Variants in PTPRK observed in about 807,000 individuals in gnomAD.
PTPRK encodes receptor-type tyrosine-protein phosphatase kappa.
PTPRK carries 75 observed loss-of-function variants against 178.0 expected under a neutral mutation model. The observed-to-expected ratio is 0.42, with a 90% CI of 0.35 to 0.51. The LOEUF (loss-of-function observed/expected upper bound fraction) is 0.51. PTPRK is among the 20% of genes least tolerant of loss of function. The pLI is 0.02. For missense variants in PTPRK, 1,441 were observed against 1,797.8 expected, an observed-to-expected ratio of 0.80 and a Z score of 3.59; for synonymous variants, 637 against 620.6, an observed-to-expected ratio of 1.03 and a Z score of -0.39.
intron 3 of PTPRK, among the ~76,000 whole-genome samples, chr6:128,259,916 T>C (rs1330397305): frequency 6.6e-6 from 1 of 152,176 alleles, no homozygotes; most frequent in African/African-American, 2.4e-5. Flanking sequence ...GTCCATAACA[T>C]ATGTAAAGCA....
intron 15 of PTPRK, among the ~76,000 whole-genome samples, 185 bp from the exon 16 acceptor site, chr6:127,999,089 G>T (rs112623342): frequency 6.6e-6 from 1 of 152,052 alleles, no homozygotes; most frequent in African/African-American, 2.4e-5. Context: ...AAGGTTTCAG[G>T]TGAGAGTATA....
Position 128,351,897 on chromosome 6 carries a change from GCT to G in PTPRK, c.224-29589_224-29588del, listed in dbSNP as rs1322924260. On this transcript the variant is annotated intron_variant, in intron 2 of 29. Coordinates refer to ENST00000368226, the MANE Select transcript of PTPRK (RefSeq NM_002844.4). ...ATCCATCTCAATTTTCTTCAATGTAGCTCAACTTCAGTCAGTTTTACATTTTT... is the reference window on the plus strand; with the variant it reads ...ATCCATCTCAATTTTCTTCAATGTAGCAACTTCAGTCAGTTTTACATTTTT... Among the ~76,000 whole-genome samples the G allele has an allele frequency of 2.6e-5, 4 of 152,020 alleles. No individual in the cohort carries two copies. In the East Asian group the frequency reaches 7.7e-4, roughly 29 times the overall value.
intron 15 of PTPRK, chr6:128,000,193 C>A: frequency 2.0e-6 from 2 of 1,018,146 alleles, no homozygotes; most frequent in South Asian, 2.8e-5. Context: ...AATGATAATG[C>A]ATACTGTAGA....
chr6:128,483,688 A>G (rs112256139), intron 1 of PTPRK, among the ~76,000 whole-genome samples: 59 of 152,212 alleles, frequency 3.9e-4, no homozygotes, highest in African/African-American at 1.3e-3. Context: ...GCACCCAATC[A>G]CAGCTATCCC....
At chr6:128,137,797 T>C (rs559773309) in intron 7 of PTPRK, among the ~76,000 whole-genome samples, 4 of 152,164 alleles carry the variant, frequency 2.6e-5, no homozygotes, top group African/African-American at 7.2e-5. Flanking sequence ...AATAATACAG[T>C]AATGCAAAAT....
rs779511665 is a variant in PTPRK at position 128,445,200 on chromosome 6, T to TTATATA, written c.101-47518_101-47513dup. 3.6e-3 allele frequency among the ~76,000 whole-genome samples: 481 copies of TTATATA among 132,402 alleles called. 3 individuals are homozygous for TTATATA. The highest frequency in any genetic ancestry group is 0.014 in the African/African-American group (443 of 32,256). The allele number at this position is 132,402 out of a possible 152,430, so 86.9% of individuals were successfully genotyped here. A position where few individuals can be genotyped will look rare whatever the true frequency, so the allele number is the denominator to read the frequency against. On this transcript the variant is annotated intron_variant, in intron 1 of 29. Transcript: ENST00000368226. The stretch of plus-strand genomic sequence containing the variant: ...AAGACCCCCAACTCTACTATTTTAT[T>TTATATA]TATATATATATATATATATAATTTA...
intron 6 of PTPRK, among the ~76,000 whole-genome samples, chr6:128,202,712 G>T (rs1297975212): frequency 6.6e-6 from 1 of 152,142 alleles, no homozygotes; most frequent in African/African-American, 2.4e-5. Flanking sequence ...ATTTGAAATA[G>T]AATCCCTGGA....
intron 3 of PTPRK, among the ~76,000 whole-genome samples, chr6:128,291,246 C>G (rs540425154): frequency 2.0e-5 from 3 of 152,186 alleles, no homozygotes; most frequent in African/African-American, 7.2e-5. Context: ...GTCTTGAAGA[C>G]AGAAGGGGCC....
chr6:128,442,776 T>C (rs995730705), intron 1 of PTPRK, among the ~76,000 whole-genome samples: 1 of 152,200 alleles, frequency 6.6e-6, no homozygotes, highest in Non-Finnish European at 1.5e-5. Context: ...GATAGAGGCA[T>C]ATAAAGGGTT....
At chr6:127,991,257 A>T (rs1440655146) in intron 20 of PTPRK, 37 bp downstream of exon 20, 1 of 1,505,440 alleles carries the variant, frequency 6.6e-7, no homozygotes, top group Admixed American at 1.9e-5. Context: ...AACTATGTTC[A>T]TTTTTATGAC....
At chr6:128,271,992 T>A (rs1250812075) in intron 3 of PTPRK, among the ~76,000 whole-genome samples, 4 of 152,028 alleles carry the variant, frequency 2.6e-5, no homozygotes, top group Admixed American at 2.6e-4. Context: ...ATAATGAAGT[T>A]CTGCATGACT....
intron 1 of PTPRK, among the ~76,000 whole-genome samples, chr6:128,424,518 T>A (rs1019939239): frequency 1.3e-5 from 2 of 152,216 alleles, no homozygotes; most frequent in Non-Finnish European, 2.9e-5. Flanking sequence ...TCTCCTTTAC[T>A]GACAGGTCAA....
chr6:128,054,931 C>T (rs1409036005), intron 13 of PTPRK, among the ~76,000 whole-genome samples: 1 of 152,100 alleles, frequency 6.6e-6, no homozygotes, highest in Non-Finnish European at 1.5e-5. Flanking sequence ...CTTCCCTGAT[C>T]CTAGGATTCC....
Position 128,067,691 on chromosome 6 carries a change from A to T in PTPRK, c.1985T>A (p.Met662Lys). Residue 662 changes from methionine to lysine, a missense_variant, in exon 12 of 30, where the codon ATG (methionine) becomes AAG (lysine). Physicochemically the swap from Met to Lys is moderately conservative, Grantham distance 95 (BLOSUM62 -1). Transcript: ENST00000368226. Reference sequence around the variant, plus strand: ...AAAGTAATACGGTGCACCCCCACTCATGGCATTTTGGTATGTGACAGGAAC... The same window carrying T: ...AAAGTAATACGGTGCACCCCCACTCTTGGCATTTTGGTATGTGACAGGAAC... ...YQVPVTYQNA[M>K]SGGAPYYFAA... is the part of the protein sequence containing the mutation. The T allele has an allele frequency of 6.2e-7, 1 of 1,613,768 alleles. No homozygotes were observed. The highest frequency in any genetic ancestry group is 8.5e-7 in the Non-Finnish European group (1 of 1,179,808).
intron 6 of PTPRK, among the ~76,000 whole-genome samples, chr6:128,212,518 C>T (rs1406472870): frequency 6.6e-6 from 1 of 152,026 alleles, no homozygotes; most frequent in Non-Finnish European, 1.5e-5. Flanking sequence ...GTCCAAATTA[C>T]ATTTATCACA....
At chr6:128,213,779 T>C (rs1400890744) in intron 6 of PTPRK, among the ~76,000 whole-genome samples, 1 of 152,150 alleles carries the variant, frequency 6.6e-6, no homozygotes, top group African/African-American at 2.4e-5. Context: ...TTTAATTTTA[T>C]GTACAAAAAG....
At chr6:128,309,900 T>C (rs921124332) in intron 3 of PTPRK, among the ~76,000 whole-genome samples, 18 of 152,000 alleles carry the variant, frequency 1.2e-4, no homozygotes, top group Admixed American at 7.2e-4. Context: ...ATCTCCCTTA[T>C]CCACTGTCTT....
intron 3 of PTPRK, among the ~76,000 whole-genome samples, chr6:128,286,011 C>T (rs149274305): frequency 3.9e-5 from 6 of 152,124 alleles, no homozygotes; most frequent in Admixed American, 6.5e-5. Flanking sequence ...CCTTTCTGTA[C>T]GGGACCCAGA....
At chr6:128,364,051 G>A (rs1165452145) in intron 2 of PTPRK, among the ~76,000 whole-genome samples, 1 of 151,976 alleles carries the variant, frequency 6.6e-6, no homozygotes, top group Non-Finnish European at 1.5e-5. Context: ...GTAATTAGCA[G>A]AGCCAAAACC....
Sources: gnomAD v4.1 joint callset for allele counts (sites outside exome capture counted in the v4.1 genomes callset) on GRCh38, gnomAD v4.1.1 for gene constraint, MANE v1.5 for transcripts, NCBI Gene and HGNC (gene_info 2026-07-23, HGNC 2026-07-21) for gene names.